Variants in PAPSS1 observed in about 807,000 individuals in gnomAD.
The protein encoded by PAPSS1 is bifunctional 3'-phosphoadenosine 5'-phosphosulfate synthase 1.
Under a neutral mutation model 72.0 loss-of-function variants are expected in PAPSS1, and 50 were observed. The ratio of observed to expected loss-of-function variants is 0.69; its 90% confidence interval spans 0.55 to 0.88. The LOEUF (loss-of-function observed/expected upper bound fraction) is 0.88. PAPSS1 is among the 40% of genes least tolerant of loss of function. The probability of loss-of-function intolerance (pLI) is 0.00; values close to 1 mark genes in which losing one functional copy is unlikely to be tolerated. For synonymous variants in PAPSS1, 261 were observed against 263.6 expected, an observed-to-expected ratio of 0.99 and a Z score of 0.09; for missense variants, 657 against 782.2, an observed-to-expected ratio of 0.84 and a Z score of 1.91.
intron 5 of PAPSS1, among the ~76,000 whole-genome samples, chr4:107,679,092 AG>A (rs1215779336): frequency 6.6e-6 from 1 of 152,182 alleles, no homozygotes; most frequent in East Asian, 1.9e-4. Context: ...GCTGTTATGC[AG>A]GGAGGGGAAG....
At chr4:107,655,885 T>A (rs1259080635) in intron 7 of PAPSS1, among the ~76,000 whole-genome samples, 1 of 152,222 alleles carries the variant, frequency 6.6e-6, no homozygotes, top group Non-Finnish European at 1.5e-5. Flanking sequence ...TATGTTCTTG[T>A]GATAAAGTTT....
rs139768707 is a variant in PAPSS1, at chr4:107,627,983, T to C, written c.1736+3648A>G. Among the ~76,000 whole-genome samples the C allele has an allele frequency of 5.4e-4, 82 of 152,326 alleles. 1 individual carries two copies. The East Asian group carries it at 0.015, about 28-fold the overall frequency. On this transcript the variant is annotated intron_variant, in intron 11 of 11. Transcript: ENST00000265174. ...CTAATTTTGTACAAGGGTAAAAATG[T>C]TCTAGTTTGTTGCAAATTTTTCTTT...
chr4:107,682,252 G>T, intron 4 of PAPSS1, 119 bp from the exon 5 acceptor site: 2 of 454,632 alleles, frequency 4.4e-6, no homozygotes, highest in Non-Finnish European at 3.9e-6. Context: ...AAGCCACAGG[G>T]CTATAGTAAT....
At chr4:107,633,201 C>A (rs1228201363) in intron 10 of PAPSS1, among the ~76,000 whole-genome samples, 5 of 152,144 alleles carry the variant, frequency 3.3e-5, no homozygotes, top group Non-Finnish European at 5.9e-5. Context: ...TTCTTATTCC[C>A]CAACAGGTAC....
At chr4:107,697,117 G>GC (rs1312400056) in intron 2 of PAPSS1, among the ~76,000 whole-genome samples, 1 of 152,174 alleles carries the variant, frequency 6.6e-6, no homozygotes, top group East Asian at 1.9e-4. Context: ...GTGATCCCAA[G>GC]CAGGTGTACC....
rs186172813 is a variant in PAPSS1 at position 107,674,077 on chromosome 4, C to T, written c.669+7938G>A. Among the ~76,000 whole-genome samples, 126 of 152,308 alleles carry T rather than the reference C, an allele frequency of 8.3e-4. No individual in the cohort carries two copies. In the Middle Eastern group the frequency reaches 0.024, roughly 29 times the overall value. ...AAACATAGAAAGGAACAACCGGTAC[C>T]AGCCACTGCAAAAATGTGACAAATT... On this transcript the variant is annotated intron_variant, in intron 5 of 11. Coordinates refer to ENST00000265174, the MANE Select transcript of PAPSS1 (RefSeq NM_005443.5).
chr4:107,716,096 T>A (rs1348786660), intron 1 of PAPSS1, among the ~76,000 whole-genome samples: 2 of 152,224 alleles, frequency 1.3e-5, no homozygotes, highest in African/African-American at 4.8e-5. Flanking sequence ...CTACTTTGCA[T>A]CTGCCCCTTA....
intron 2 of PAPSS1, among the ~76,000 whole-genome samples, chr4:107,696,728 A>G (rs1334228058): frequency 6.6e-6 from 1 of 151,990 alleles, no homozygotes; most frequent in Non-Finnish European, 1.5e-5. Flanking sequence ...TGTATCCCAG[A>G]CCTTAAAGAA....
chr4:107,701,105 G>A (rs1261906958), intron 2 of PAPSS1, 66 bp downstream of exon 2: 4 of 929,440 alleles, frequency 4.3e-6, no homozygotes, highest in South Asian at 1.5e-5. Flanking sequence ...ATATGCTTAC[G>A]CCTAGTCCAA....
chr4:107,661,157 C>A (rs1727170754), intron 5 of PAPSS1, among the ~76,000 whole-genome samples: 1 of 152,110 alleles, frequency 6.6e-6, no homozygotes, highest in Non-Finnish European at 1.5e-5. Flanking sequence ...CAAGATAGCA[C>A]AACATACCTA....
intron 5 of PAPSS1, among the ~76,000 whole-genome samples, chr4:107,673,375 T>C (rs1225433171): frequency 6.6e-6 from 1 of 152,054 alleles, no homozygotes; most frequent in Non-Finnish European, 1.5e-5. Flanking sequence ...AAGGACCTGA[T>C]GGAGCTGAAA....
intron 11 of PAPSS1, among the ~76,000 whole-genome samples, chr4:107,620,760 G>A (rs1016118411): frequency 1.3e-5 from 2 of 152,144 alleles, no homozygotes; most frequent in Non-Finnish European, 2.9e-5. Flanking sequence ...GAGAAACCCT[G>A]CTAATGGGTA....
chr4:107,652,519 C>T (rs1482016218), intron 9 of PAPSS1, among the ~76,000 whole-genome samples: 2 of 152,100 alleles, frequency 1.3e-5, no homozygotes, highest in South Asian at 2.1e-4. Flanking sequence ...TTCTCTATTC[C>T]GCTCTTAAAT....
chr4:107,686,959 T>A, intron 4 of PAPSS1, 80 bp downstream of exon 4: 1 of 1,295,162 alleles, frequency 7.7e-7, no homozygotes, highest in Admixed American at 2.2e-5. Context: ...ACACTTCCAA[T>A]CTCTTAGAAA....
At chr4:107,718,033 C>A (rs1486455952) in intron 1 of PAPSS1, among the ~76,000 whole-genome samples, 1 of 152,224 alleles carries the variant, frequency 6.6e-6, no homozygotes, top group Non-Finnish European at 1.5e-5. Flanking sequence ...CTTGTCTGGT[C>A]TCCAGGGCTT....
intron 4 of PAPSS1, among the ~76,000 whole-genome samples, chr4:107,686,532 T>C (rs1722791294): frequency 6.6e-6 from 1 of 152,232 alleles, no homozygotes; most frequent in African/African-American, 2.4e-5. Context: ...GGGTCAGCTG[T>C]ATATATTTTA....
At chr4:107,654,980 G>T in intron 7 of PAPSS1, 80 bp from the exon 8 acceptor site, 1 of 988,050 alleles carries the variant, frequency 1.0e-6, no homozygotes, top group Non-Finnish European at 1.5e-6. Flanking sequence ...TTCACTTCAG[G>T]GGACACTTTT....
intron 5 of PAPSS1, among the ~76,000 whole-genome samples, chr4:107,671,024 T>A (rs1727454330): frequency 6.6e-6 from 1 of 152,178 alleles, no homozygotes; most frequent in Admixed American, 6.5e-5. Context: ...GATAGTGTGA[T>A]CCTAAAATCA....
intron 9 of PAPSS1, among the ~76,000 whole-genome samples, chr4:107,652,327 C>T (rs1726862034): frequency 6.6e-6 from 1 of 152,148 alleles, no homozygotes; most frequent in African/African-American, 2.4e-5. Flanking sequence ...ACAGTGAATG[C>T]TGTTCCCTGA....
Sources: gnomAD v4.1 joint callset for allele counts (sites outside exome capture counted in the v4.1 genomes callset) on GRCh38, gnomAD v4.1.1 for gene constraint, MANE v1.5 for transcripts, NCBI Gene and HGNC (gene_info 2026-07-23, HGNC 2026-07-21) for gene names.